The following INPP5F variants were observed in gnomAD, a reference collection of about 807,000 sequenced individuals.
INPP5F encodes inositol polyphosphate-5-phosphatase F.
In INPP5F, 97 loss-of-function variants were observed where a neutral mutation model predicts 137.2. The ratio of observed to expected loss-of-function variants is 0.71; its 90% confidence interval spans 0.60 to 0.84. The LOEUF is 0.84. Ranked by LOEUF, INPP5F falls within the 40% of genes least tolerant of loss-of-function variation. INPP5F has a pLI of 0.00. For missense variants in INPP5F, 1,271 were observed against 1,371.9 expected (o/e 0.93, Z 1.16); for synonymous variants, 504 against 476.9 (o/e 1.06, Z -0.74).
chr10:119,824,002 G>A (rs1485016421), intron 19 of INPP5F, 100 bp downstream of exon 19: 1 of 800,134 alleles, frequency 1.2e-6, no homozygotes, highest in Non-Finnish European at 2.0e-6. Flanking sequence ...TCACATTATG[G>A]TAAGGTGTTG....
intron 16 of INPP5F, 94 bp downstream of exon 16, chr10:119,821,011 T>C (rs746825475): frequency 8.1e-5 from 65 of 806,894 alleles, no homozygotes; most frequent in Non-Finnish European, 1.3e-4. Context: ...TGTGAGAATA[T>C]GGTTTTGTTA....
chr10:119,795,275 C>T (rs553287060), intron 6 of INPP5F, among the ~76,000 whole-genome samples: 9 of 151,734 alleles, frequency 5.9e-5, no homozygotes, highest in South Asian at 2.1e-4. Flanking sequence ...CTACCTCCCT[C>T]GCGGACGAGG....
chr10:119,805,425 C>G lies in INPP5F; in HGVS notation c.1283C>G (p.Ala428Gly), dbSNP rs762257690. ...GAGAATGTTCAGACACTAACAGATG[C>G]CATTTATGACATTATTCTTGATATG... ...KFENVQTLTDAIYDIILDMKW... is the reference protein window; with the variant it reads ...KFENVQTLTDGIYDIILDMKW... The change falls in exon 11 of 20, where the codon GCC (alanine) becomes GGC (glycine). Residue 428 changes from alanine to glycine, a missense_variant. Physicochemically the swap from Ala to Gly is moderately conservative, Grantham distance 60. Coordinates refer to ENST00000650623, the MANE Select transcript of INPP5F (RefSeq NM_014937.4). The G allele has an allele frequency of 6.2e-7, 1 of 1,612,544 alleles. No homozygotes were observed. Among genetic ancestry groups the G allele is most frequent in the South Asian group, 1.1e-5 (1 of 91,020 alleles).
intron 2 of INPP5F, among the ~76,000 whole-genome samples, chr10:119,759,824 G>T (rs1243729974): frequency 1.3e-5 from 2 of 152,130 alleles, no homozygotes; most frequent in Admixed American, 1.3e-4. Context: ...TTTTGTTTTT[G>T]CTTCTCTCCT....
chr10:119,726,220 C>A lies in INPP5F; in HGVS notation c.-43C>A, dbSNP rs1212990246. 5.3e-6 allele frequency: 7 copies of A among 1,326,498 alleles called. No individual in the cohort carries two copies. The highest frequency in any genetic ancestry group is 2.1e-4 in the Middle Eastern group (1 of 4,798). 82.2% of individuals were successfully genotyped at this position (1,326,498 alleles called of 1,614,324 possible). Reference sequence around the variant, plus strand: ...CCTCGACCGACTAGGACGCCCCGTGCGCCGCCCGCGGGCCGCCGCCTCCCT... The same window carrying A: ...CCTCGACCGACTAGGACGCCCCGTGAGCCGCCCGCGGGCCGCCGCCTCCCT... On this transcript the variant is annotated 5_prime_UTR_variant, in exon 1 of 20. Coordinates refer to ENST00000650623, the MANE Select transcript of INPP5F (RefSeq NM_014937.4).
intron 1 of INPP5F, among the ~76,000 whole-genome samples, chr10:119,744,189 T>C: frequency 6.6e-6 from 1 of 152,018 alleles, no homozygotes; most frequent in East Asian, 1.9e-4. Context: ...ATGGATTGAC[T>C]CCCCCCCTTT....
rs763380058 is a variant in INPP5F, at chr10:119,811,826, C to A, written c.1757C>A (p.Ala586Asp). 25 of 1,614,054 alleles carry A rather than the reference C, an allele frequency of 1.5e-5. No individual in the cohort carries two copies. The highest frequency in any genetic ancestry group is 2.1e-5 in the Non-Finnish European group (25 of 1,179,930). ...TTTACCAAGGAGAAAGAACATGAAG[C>A]TTTGCATAAGGAAAATCAGAGAAGC... Reference protein sequence around the residue: ...SIFTKEKEHEALHKENQRSHQ... With the variant: ...SIFTKEKEHEDLHKENQRSHQ... Residue 586 changes from alanine (A) to aspartate (D), a missense_variant, in exon 15 of 20, where the codon GCT becomes GAT. This residue lies in a region of INPP5F where 593 missense variants were observed against 712.4 expected (regional missense o/e 0.83). Transcript: ENST00000650623.
At chr10:119,822,966 C>T (rs760852268) in intron 17 of INPP5F, 105 bp from the exon 18 acceptor site, 9 of 1,111,920 alleles carry the variant, frequency 8.1e-6, no homozygotes, top group Non-Finnish European at 1.1e-5. Context: ...ATTTTGTGTG[C>T]TGTCATTTAT....
chr10:119,736,538 C>A (rs1234348495), intron 1 of INPP5F, among the ~76,000 whole-genome samples: 5 of 152,190 alleles, frequency 3.3e-5, no homozygotes, highest in Admixed American at 2.6e-4. Context: ...CTATACCTTT[C>A]ATAGTTGTAT....
chr10:119,776,436 G>A (rs73355830), intron 2 of INPP5F, among the ~76,000 whole-genome samples: 3,178 of 152,108 alleles, frequency 0.021, 122 homozygotes, highest in African/African-American at 0.073. Flanking sequence ...ATGCCTCTTG[G>A]TTTTCCAGGT....
intron 3 of INPP5F, among the ~76,000 whole-genome samples, chr10:119,789,536 G>T (rs566904517): frequency 6.6e-6 from 1 of 152,120 alleles, no homozygotes; most frequent in East Asian, 1.9e-4. Context: ...AGTGATGGTC[G>T]TGAAAGCTCC....
intron 1 of INPP5F, among the ~76,000 whole-genome samples, chr10:119,747,462 AC>A (rs1198383629): frequency 1.3e-5 from 2 of 151,888 alleles, no homozygotes; most frequent in Admixed American, 1.3e-4. Flanking sequence ...CAAGCAATCC[AC>A]CCAGCTTGGC....
chr10:119,798,977 T>A (rs1393199879), intron 9 of INPP5F, among the ~76,000 whole-genome samples: 1 of 152,084 alleles, frequency 6.6e-6, no homozygotes, highest in African/African-American at 2.4e-5. Context: ...AGAGGTTAGA[T>A]TGCTATCAAT....
rs1284874974 is a variant in INPP5F, at chr10:119,779,732, T to G, written c.179-1903T>G. Reference sequence around the variant, plus strand: ...AGCCTCCATGCCCTGCCAGAAGTTCTTTCTTCAATACTAAATTAACCTTAG... The same window carrying G: ...AGCCTCCATGCCCTGCCAGAAGTTCGTTCTTCAATACTAAATTAACCTTAG... On this transcript the variant is annotated intron_variant, in intron 2 of 19. Coordinates refer to ENST00000650623, the MANE Select transcript of INPP5F (RefSeq NM_014937.4). Among the ~76,000 whole-genome samples, 4 of 152,148 alleles carry G rather than the reference T, an allele frequency of 2.6e-5. 1 individual carries two copies. Among genetic ancestry groups the G allele is most frequent in the African/African-American group, 7.2e-5 (3 of 41,418 alleles).
At chr10:119,731,259 A>ATT (rs55879625) in intron 1 of INPP5F, among the ~76,000 whole-genome samples, 1 of 151,048 alleles carries the variant, frequency 6.6e-6, no homozygotes, top group South Asian at 2.1e-4. Context: ...TCCACCTGGA[A>ATT]TTTTTTTTTG....
intron 15 of INPP5F, chr10:119,818,792 A>G (rs1300073344): frequency 1.3e-5 from 2 of 152,250 alleles, no homozygotes; most frequent in South Asian, 2.1e-4. Flanking sequence ...ACGGACGGAC[A>G]GACGGACGGA....
intron 2 of INPP5F, among the ~76,000 whole-genome samples, chr10:119,754,354 C>A (rs896320983): frequency 1.3e-5 from 2 of 152,148 alleles, no homozygotes; most frequent in Non-Finnish European, 2.9e-5. Context: ...AAAGTATGGT[C>A]ATTTAGGAGG....
At position 119,765,878 on chromosome 10, in the gene INPP5F, TATAGAGAG is replaced by T. The variant is rs1564816176; in HGVS notation, c.178+14724_178+14731del. ...ATACACTATATACTATATATATATA[TATAGAGAG>T]AGAGAGAGAGAGACGGAGATTTAAC... is the stretch of plus-strand genomic sequence containing the variant. On this transcript the variant is annotated intron_variant, in intron 2 of 19. Transcript: ENST00000650623. 1.4e-4 allele frequency among the ~76,000 whole-genome samples: 4 copies of T among 28,352 alleles called. No homozygotes were observed. The East Asian group carries it at 2.7e-3, about 19-fold the overall frequency. The allele number at this position is 28,352 out of a possible 152,430, so 18.6% of individuals were successfully genotyped here. A position where few individuals can be genotyped will look rare whatever the true frequency, so the allele number is the denominator to read the frequency against.
chr10:119,785,535 C>CGA (rs59804262), intron 3 of INPP5F, among the ~76,000 whole-genome samples: 10,533 of 93,464 alleles, frequency 0.11, 765 homozygotes, highest in Middle Eastern at 0.2. Flanking sequence ...GTGATCCGCT[C>CGA]GAGAGAGAGA....
Sources: allele counts gnomAD v4.1 joint callset (sites outside exome capture counted in the v4.1 genomes callset), GRCh38; gene constraint gnomAD v4.1.1; regional missense constraint gnomAD v4.1.1; transcripts MANE v1.5; gene names NCBI Gene and HGNC (gene_info 2026-07-23, HGNC 2026-07-21).